Variants in SSPN observed in about 807,000 individuals in gnomAD.
SSPN encodes K-ras oncogene-associated protein.
SSPN carries 15 observed loss-of-function variants against 19.1 expected under a neutral mutation model. The ratio of observed to expected loss-of-function variants is 0.78; its 90% CI spans 0.52 to 1.21. SSPN has a LOEUF of 1.21. SSPN is among the 50% of genes most tolerant of loss of function. SSPN has a pLI of 0.00. For missense variants in SSPN, 291 were observed against 314.0 expected (o/e 0.93, Z 0.55); for synonymous variants, 147 against 140.3 (o/e 1.05, Z -0.34).
exon 1 of SSPN, chr12:26,122,092 AG>A (rs1224716399): frequency 7.1e-6 from 11 of 1,549,452 alleles, no homozygotes; most frequent in Non-Finnish European, 9.6e-6. Flanking sequence ...CCTGGCTGCG[AG>A]GGATCTTCCT....
chr12:26,209,311 C>T (rs1944960339), intron 1 of SSPN, among the ~76,000 whole-genome samples: 2 of 152,070 alleles, frequency 1.3e-5, no homozygotes, highest in African/African-American at 4.8e-5. Context: ...TCTTCATAAA[C>T]AGTTCTTGAA....
chr12:26,133,748 T>C (rs922359036), intron 1 of SSPN, among the ~76,000 whole-genome samples: 1 of 152,214 alleles, frequency 6.6e-6, no homozygotes, highest in Admixed American at 6.5e-5. Context: ...AGAAATATGG[T>C]GTGTCTCTGC....
At position 26,182,003 on chromosome 12, in the gene SSPN, A is replaced by G. The variant is rs78532642; in HGVS notation, c.-30-42290A>G. ...TGACACGTTATTTTGAATAGTCTAT[A>G]TGGGAGCCAATAGTATTCTTGAAGG... On this transcript the variant is annotated intron_variant, in intron 1 of 2. Coordinates refer to the SSPN transcript ENST00000538142. Among the ~76,000 whole-genome samples, 12 of 152,258 alleles carry G rather than the reference A, an allele frequency of 7.9e-5. No individual in the cohort carries two copies. In the South Asian group the frequency reaches 1.0e-3, roughly 13 times the overall value.
At chr12:26,203,188 A>G (rs1944901546) in intron 1 of SSPN, among the ~76,000 whole-genome samples, 1 of 152,242 alleles carries the variant, frequency 6.6e-6, no homozygotes, top group Non-Finnish European at 1.5e-5. Context: ...GGGTGGGGAC[A>G]CAGAATCAAA....
intron 2 of SSPN, 36 bp downstream of exon 2, chr12:26,224,415 A>ATT (rs766509472): frequency 1.3e-6 from 2 of 1,506,368 alleles, no homozygotes; most frequent in South Asian, 2.3e-5. Flanking sequence ...TTATCATCAC[A>ATT]TAGAAAGAAA....
exon 1 of SSPN, chr12:26,122,093 G>C (rs1276250683): frequency 4.5e-6 from 7 of 1,549,694 alleles, no homozygotes; most frequent in East Asian, 2.4e-5. Context: ...CTGGCTGCGA[G>C]GGATCTTCCT....
rs868078118 is a variant in SSPN, at chr12:26,164,440, C to T, written c.-31+42288C>T. On this transcript the variant is annotated intron_variant, in intron 1 of 2. Coordinates refer to the SSPN transcript ENST00000538142. ...ACATAATCCCAGCACTTTGGGAGGC[C>T]GAGGTGGAAGGATTGCTTGAGGCCA... is the stretch of plus-strand genomic sequence containing the variant. Among the ~76,000 whole-genome samples the T allele has an allele frequency of 2.4e-4, 36 of 152,170 alleles. No individual in the cohort carries two copies. In the Middle Eastern group the frequency reaches 0.014, roughly 58 times the overall value.
intron 1 of SSPN, among the ~76,000 whole-genome samples, chr12:26,156,057 TG>T (rs1440542531): frequency 6.6e-6 from 1 of 152,138 alleles, no homozygotes; most frequent in Non-Finnish European, 1.5e-5. Context: ...AATCTTAGAA[TG>T]AAAGTAAGAC....
Position 26,204,276 on chromosome 12 carries a change from T to C in SSPN, c.279+8325T>C, listed in dbSNP as rs957974448. 2.0e-5 allele frequency among the ~76,000 whole-genome samples: 3 copies of C among 152,124 alleles called. No individual in the cohort carries two copies. The East Asian group carries it at 5.8e-4, about 29-fold the overall frequency. On this transcript the variant is annotated intron_variant, in intron 1 of 2. Transcript: ENST00000242729. Reference sequence around the variant, plus strand: ...CGCGGCTCCGTGCTCATGCCAGTAGTGAGACATATGGAGGAAGCTGTTTTC... The same window carrying C: ...CGCGGCTCCGTGCTCATGCCAGTAGCGAGACATATGGAGGAAGCTGTTTTC...
intron 1 of SSPN, among the ~76,000 whole-genome samples, 175 bp downstream of exon 1, chr12:26,196,126 C>G (rs1036006451): frequency 7.9e-5 from 12 of 152,238 alleles, no homozygotes; most frequent in Non-Finnish European, 1.3e-4. Flanking sequence ...CGGGGCAGGG[C>G]TGGACGCGAT....
chr12:26,171,180 A>G (rs1944651639), intron 1 of SSPN, among the ~76,000 whole-genome samples: 1 of 152,196 alleles, frequency 6.6e-6, no homozygotes, highest in African/African-American at 2.4e-5. Context: ...AGGTCTAGAA[A>G]GTAAGGTCAA....
chr12:26,175,961 C>T (rs538296463), intron 1 of SSPN, among the ~76,000 whole-genome samples: 1 of 152,056 alleles, frequency 6.6e-6, no homozygotes, highest in South Asian at 2.1e-4. Flanking sequence ...CTCAGCCTCC[C>T]ATGTAGCCGA....
chr12:26,149,824 A>G (rs1256797651), intron 1 of SSPN, among the ~76,000 whole-genome samples: 2 of 152,266 alleles, frequency 1.3e-5, no homozygotes, highest in African/African-American at 2.4e-5. Flanking sequence ...ACACATGTGC[A>G]TACACACATC....
chr12:26,224,973 G>A (rs1263641227), intron 2 of SSPN, among the ~76,000 whole-genome samples: 1 of 152,096 alleles, frequency 6.6e-6, no homozygotes, highest in Non-Finnish European at 1.5e-5. Flanking sequence ...CTGCACAACA[G>A]AATCTACTCC....
intron 1 of SSPN, chr12:26,124,055 G>A (rs767352296): frequency 1.3e-6 from 2 of 1,523,972 alleles, no homozygotes; most frequent in East Asian, 2.3e-5. Flanking sequence ...AGCAAAGAAT[G>A]AAAATGTGCA....
chr12:26,201,024 TATATATATATATATATATATATTATA>T (rs1565685411), intron 1 of SSPN, among the ~76,000 whole-genome samples: 2 of 31,310 alleles, frequency 6.4e-5, no homozygotes, highest in African/African-American at 2.1e-4. Flanking sequence ...TATATATATA[TATATATATATATATATATATATTATA>T]TATATATATT....
At chr12:26,185,418 G>A (rs1944746961) in intron 1 of SSPN, among the ~76,000 whole-genome samples, 2 of 152,130 alleles carry the variant, frequency 1.3e-5, no homozygotes. Context: ...CTTTAGTATT[G>A]AGGTCTGCTG....
At chr12:26,124,252 T>TGGGG in intron 1 of SSPN, 1 of 879,436 alleles carries the variant, frequency 1.1e-6, no homozygotes, top group Non-Finnish European at 1.8e-6. Context: ...TACCCTCGTC[T>TGGGG]GCCCCCCCCG....
In SSPN at chr12:26,195,641, G is replaced by GCTGGCCCCCCC; in HGVS notation, c.-31_-30insTGGCCCCCCCC. 9.0e-7 allele frequency: 1 copy of GCTGGCCCCCCC among 1,105,402 alleles called. No homozygotes were observed. The highest frequency in any genetic ancestry group is 1.1e-6 in the Non-Finnish European group (1 of 878,120). The allele number at this position is 1,105,402 out of a possible 1,614,324, so 68.5% of individuals were successfully genotyped here. On this transcript the variant is annotated 5_prime_UTR_variant, in exon 1 of 3. Transcript: ENST00000242729. ...CTCCAGGGCCCAGGGCGCCGCACAC[G>GCTGGCCCCCCC]CACCCACCCACCCACCCAGCCTCGC... is the stretch of plus-strand genomic sequence containing the variant.
Sources: gnomAD v4.1 joint callset for allele counts (sites outside exome capture counted in the v4.1 genomes callset) on GRCh38, gnomAD v4.1.1 for gene constraint, MANE v1.5 for transcripts, NCBI Gene and HGNC (gene_info 2026-07-23, HGNC 2026-07-21) for gene names.